ARHGEF10L: variants seen among roughly 807,000 people sequenced by gnomAD.
ARHGEF10L encodes rho guanine nucleotide exchange factor 10-like protein.
A neutral mutation model predicts 141.2 loss-of-function variants in ARHGEF10L; 69 were observed. That is an observed-to-expected ratio of 0.49 (90% CI 0.40 to 0.60). The LOEUF (loss-of-function observed/expected upper bound fraction) is 0.60, where lower values mean the gene tolerates loss of function less well. ARHGEF10L is among the 20% of genes least tolerant of loss of function. ARHGEF10L has a pLI of 0.00. For missense variants in ARHGEF10L, 1,482 were observed against 1,734.3 expected, an observed-to-expected ratio of 0.85 and a Z score of 2.58; for synonymous variants, 711 against 718.5, an observed-to-expected ratio of 0.99 and a Z score of 0.17.
chr1:17,596,004 G>A (rs2080057443), intron 4 of ARHGEF10L, among the ~76,000 whole-genome samples: 1 of 152,304 alleles, frequency 6.6e-6, no homozygotes, highest in East Asian at 1.9e-4. Context: ...AAGTGGCTGA[G>A]CCACAGTCAT....
At chr1:17,675,966 G>C (rs1285720416) in intron 26 of ARHGEF10L, among the ~76,000 whole-genome samples, 1 of 150,530 alleles carries the variant, frequency 6.6e-6, no homozygotes, top group African/African-American at 2.5e-5. Flanking sequence ...GTACAGGTGT[G>C]TGTGCAAGTG....
chr1:17,540,371 T>C (rs985434824), intron 1 of ARHGEF10L, among the ~76,000 whole-genome samples: 1 of 151,486 alleles, frequency 6.6e-6, no homozygotes, highest in African/African-American at 2.4e-5. Context: ...CTGTCGCCTC[T>C]GTGGTGAGTC....
Position 17,588,834 on chromosome 1 carries a change from A to C in ARHGEF10L, c.257+355A>C, listed in dbSNP as rs2079255476. On this transcript the variant is annotated intron_variant, in intron 4 of 28. Coordinates refer to ENST00000361221, the MANE Select transcript of ARHGEF10L (RefSeq NM_018125.4). ...TTGGGTTTGTCTTGGAGAAGCAAAC[A>C]GCTGGAGGGTCCCCAGTGTGTGTGT... Among the ~76,000 whole-genome samples the C allele has an allele frequency of 1.7e-5, 2 of 119,504 alleles. 1 individual carries two copies. Among genetic ancestry groups the C allele is most frequent in the South Asian group, 5.9e-4 (2 of 3,410 alleles). The allele number at this position is 119,504 out of a possible 152,430, so 78.4% of individuals were successfully genotyped here.
rs868443190 is a variant in ARHGEF10L, at chr1:17,632,250, T to C, written c.1585-71T>C. ...TCTCCCTTTCTGCACCATGGGAGGA[T>C]TCTGGGTCTCCGGCGCGGTAAAGCC... On this transcript the variant is annotated intron_variant, in intron 15 of 28. Coordinates refer to ENST00000361221, the MANE Select transcript of ARHGEF10L (RefSeq NM_018125.4). The C allele has an allele frequency of 1.9e-6, 3 of 1,586,578 alleles. No individual in the cohort carries two copies. The East Asian group carries it at 6.7e-5, about 36-fold the overall frequency.
In ARHGEF10L at chr1:17,616,255, G is replaced by A. The variant is rs1281410195; in HGVS notation, c.835+53G>A. On this transcript the variant is annotated intron_variant, in intron 9 of 28. Coordinates refer to ENST00000361221, the MANE Select transcript of ARHGEF10L (RefSeq NM_018125.4). The stretch of plus-strand genomic sequence containing the variant: ...TGGTGCCCAGCTCTGACTGGGGGTC[G>A]GGGAGGGTGGGATTTTGCTTTACAC... 37 of 1,336,696 alleles carry A rather than the reference G, an allele frequency of 2.8e-5. 1 individual carries two copies. The East Asian group carries it at 5.5e-4, about 20-fold the overall frequency. The allele number at this position is 1,336,696 out of a possible 1,614,324, so 82.8% of individuals were successfully genotyped here.
upstream of ARHGEF10L, among the ~76,000 whole-genome samples, chr1:17,537,787 T>C (rs1352330409): frequency 2.3e-5 from 3 of 132,444 alleles, no homozygotes; most frequent in African/African-American, 8.8e-5. Context: ...GAGGCCAAGA[T>C]GGGATGATCT....
chr1:17,669,954 G>T (rs1477784417), intron 26 of ARHGEF10L, among the ~76,000 whole-genome samples: 1 of 152,248 alleles, frequency 6.6e-6, no homozygotes, highest in Non-Finnish European at 1.5e-5. Flanking sequence ...CGAGAGGGGT[G>T]CCAGACCCAG....
intron 22 of ARHGEF10L, among the ~76,000 whole-genome samples, chr1:17,649,922 G>A (rs2101950869): frequency 6.6e-6 from 1 of 152,334 alleles, no homozygotes; most frequent in South Asian, 2.1e-4. Context: ...AGAGAGGGCG[G>A]GCCCCGAGGT....
the ARHGEF10L span, among the ~76,000 whole-genome samples, chr1:17,518,732 C>T: frequency 4.8e-4 from 65 of 136,660 alleles, no homozygotes; most frequent in African/African-American, 1.8e-3. Context: ...GCGGAGGTTG[C>T]GGTGAGCCAA....
At chr1:17,662,952 C>T (rs538657356) in intron 25 of ARHGEF10L, among the ~76,000 whole-genome samples, 7 of 152,260 alleles carry the variant, frequency 4.6e-5, no homozygotes, top group South Asian at 2.1e-4. Context: ...TCTAGTCCCC[C>T]GCCACTGCTG....
chr1:17,519,497 C>T, the ARHGEF10L span, among the ~76,000 whole-genome samples: 1 of 152,036 alleles, frequency 6.6e-6, no homozygotes, highest in East Asian at 1.9e-4. Context: ...GTGGTCCCAG[C>T]TACTTGGGAG....
the ARHGEF10L span, among the ~76,000 whole-genome samples, chr1:17,532,004 C>A: frequency 6.0e-4 from 91 of 152,278 alleles, no homozygotes; most frequent in Admixed American, 1.0e-3. Context: ...GAGCACCCCC[C>A]ACCACCACCC....
intron 4 of ARHGEF10L, among the ~76,000 whole-genome samples, chr1:17,595,210 C>A (rs1235441267): frequency 7.4e-6 from 1 of 134,878 alleles, no homozygotes; most frequent in Admixed American, 7.4e-5. Flanking sequence ...CATGCTGTTT[C>A]GTGGCTCACC....
chr1:17,657,269 A>C (rs112974462), intron 25 of ARHGEF10L, among the ~76,000 whole-genome samples: 3,033 of 152,344 alleles, frequency 0.02, 41 homozygotes, highest in Middle Eastern at 0.037. Context: ...GCTGTGCTCC[A>C]GGGCAGGGGT....
chr1:17,618,963 G>T (rs1474471055), intron 9 of ARHGEF10L, among the ~76,000 whole-genome samples: 1 of 152,160 alleles, frequency 6.6e-6, no homozygotes, highest in Admixed American at 6.5e-5. Context: ...ACTATTTTTA[G>T]TTCCTAGTGA....
chr1:17,695,989 G>A (rs2065466913), intron 28 of ARHGEF10L, among the ~76,000 whole-genome samples: 2 of 152,134 alleles, frequency 1.3e-5, no homozygotes. Flanking sequence ...CTGAGCTCAG[G>A]AGTTTGAGAC....
chr1:17,580,725 G>A (rs1385923962), intron 2 of ARHGEF10L, 93 bp downstream of exon 2: 4 of 1,496,920 alleles, frequency 2.7e-6, no homozygotes, highest in Admixed American at 1.8e-5. Flanking sequence ...GCAGCATGGC[G>A]CCGGGTGGGA....
intron 1 of ARHGEF10L, among the ~76,000 whole-genome samples, chr1:17,565,518 A>T (rs1357208244): frequency 6.6e-6 from 1 of 152,192 alleles, no homozygotes; most frequent in Non-Finnish European, 1.5e-5. Flanking sequence ...TCTAGGCTCA[A>T]GTCTGCTCTC....
intron 2 of ARHGEF10L, among the ~76,000 whole-genome samples, 195 bp downstream of exon 2, chr1:17,580,827 A>G (rs1307844896): frequency 1.3e-5 from 2 of 152,122 alleles, no homozygotes; most frequent in Non-Finnish European, 2.9e-5. Context: ...CTGCTCACGG[A>G]GGAGGCTCTG....
Sources: gnomAD v4.1 joint callset for allele counts (sites outside exome capture counted in the v4.1 genomes callset) on GRCh38, gnomAD v4.1.1 for gene constraint, MANE v1.5 for transcripts, NCBI Gene and HGNC (gene_info 2026-07-23, HGNC 2026-07-21) for gene names.